The following CACNG5 variants were observed in gnomAD, a reference collection of about 807,000 sequenced individuals.
The protein encoded by CACNG5 is voltage-dependent calcium channel gamma-5 subunit.
A neutral mutation model predicts 24.8 loss-of-function variants in CACNG5; 18 were observed. The ratio of observed to expected loss-of-function variants is 0.73; its 90% CI spans 0.50 to 1.08. CACNG5 has a LOEUF of 1.08. Among genes scored for constraint, CACNG5 ranks in the 50% least tolerant of loss-of-function variants. The probability of loss-of-function intolerance (pLI) is 0.00; values close to 1 mark genes in which losing one functional copy is unlikely to be tolerated. For missense variants in CACNG5, 349 were observed against 367.9 expected (o/e 0.95, Z 0.42); for synonymous variants, 157 against 149.1 (o/e 1.05, Z -0.39).
At chr17:66,868,643 A>G (rs765376406) in intron 1 of CACNG5, among the ~76,000 whole-genome samples, 8 of 152,098 alleles carry the variant, frequency 5.3e-5, no homozygotes, top group Non-Finnish European at 1.2e-4. Flanking sequence ...CAGGACTGTA[A>G]TGACACCTAG....
Position 66,849,402 on chromosome 17 carries a change from C to T in CACNG5, c.-104+14152C>T, listed in dbSNP as rs986709696. ...CCAGCCCAGGAAGGCAGGGCAGGAA[C>T]GCAGAAGGCAGCAGTGTTCCCACCC... is the stretch of plus-strand genomic sequence containing the variant. On this transcript the variant is annotated intron_variant, in intron 1 of 5. Coordinates refer to ENST00000533854, the MANE Select transcript of CACNG5 (RefSeq NM_145811.3). Among the ~76,000 whole-genome samples, 13 of 152,258 alleles carry T rather than the reference C, an allele frequency of 8.5e-5. No individual in the cohort carries two copies. The East Asian group carries it at 1.4e-3, about 16-fold the overall frequency.
chr17:66,856,858 A>G (rs997960363), intron 1 of CACNG5, among the ~76,000 whole-genome samples: 2 of 152,000 alleles, frequency 1.3e-5, no homozygotes, highest in South Asian at 4.2e-4. Flanking sequence ...TTGTCCCTTT[A>G]TAGCCACACT....
chr17:66,841,066 C>A lies in CACNG5; in HGVS notation c.-104+5816C>A, dbSNP rs112751699. 3.9e-5 allele frequency among the ~76,000 whole-genome samples: 6 copies of A among 152,238 alleles called. 1 individual carries two copies. The highest frequency in any genetic ancestry group is 1.4e-4 in the African/African-American group (6 of 41,546). ...GGATGAGGACGTGTGCCAGTGACAGCCTCAGGAGGTTCTGACGACATGTGC... is the reference window on the plus strand; with the variant it reads ...GGATGAGGACGTGTGCCAGTGACAGACTCAGGAGGTTCTGACGACATGTGC... On this transcript the variant is annotated intron_variant, in intron 1 of 5. Transcript: ENST00000533854.
intron 3 of CACNG5, among the ~76,000 whole-genome samples, chr17:66,879,350 C>A (rs930078201): frequency 2.0e-5 from 3 of 152,182 alleles, no homozygotes; most frequent in Non-Finnish European, 4.4e-5. Flanking sequence ...TTTCTGCCCC[C>A]AGTATGAATT....
intron 1 of CACNG5, among the ~76,000 whole-genome samples, chr17:66,838,960 CTTTTTTTT>C (rs71160595): frequency 1.1e-5 from 1 of 88,094 alleles, no homozygotes; most frequent in South Asian, 3.5e-4. Flanking sequence ...CTCACCCATT[CTTTTTTTT>C]TTTTTTTTTT....
rs777042661 is a variant in CACNG5 at position 66,877,285 on chromosome 17, G to T, written c.-48G>T. 49 of 1,540,674 alleles carry T rather than the reference G, an allele frequency of 3.2e-5. No homozygotes were observed. Among genetic ancestry groups the T allele is most frequent in the Non-Finnish European group, 4.3e-5 (48 of 1,121,832 alleles). ...TCTCCCTAGCCCCAGAGCGCAGTCC[G>T]TGCTGGTGGGAGCGTGGCGACTAGT... On this transcript the variant is annotated 5_prime_UTR_variant, in exon 2 of 6. Transcript: ENST00000533854.
In CACNG5 at chr17:66,886,581, CTG is replaced by C. The variant is rs1365131560; in HGVS notation, c.*1347_*1348del. The stretch of plus-strand genomic sequence containing the variant: ...TGAGATTTTGAGTAGCAAAGCAATG[CTG>C]TGTGTCGCTGCTGTGCCCGCTCTCT... On this transcript the variant is annotated 3_prime_UTR_variant, in exon 6 of 6. Coordinates refer to ENST00000533854, the MANE Select transcript of CACNG5 (RefSeq NM_145811.3). Among the ~76,000 whole-genome samples the C allele has an allele frequency of 9.2e-5, 14 of 152,308 alleles. No individual in the cohort carries two copies. The highest frequency in any genetic ancestry group is 2.9e-4 in the African/African-American group (12 of 41,570).
At chr17:66,863,302 A>G (rs1976889442) in intron 1 of CACNG5, among the ~76,000 whole-genome samples, 1 of 151,972 alleles carries the variant, frequency 6.6e-6, no homozygotes, top group African/African-American at 2.4e-5. Context: ...AACCCACAAG[A>G]TAATATTATT....
intron 1 of CACNG5, among the ~76,000 whole-genome samples, chr17:66,865,103 A>G (rs1312370977): frequency 2.6e-5 from 4 of 152,218 alleles, no homozygotes; most frequent in Non-Finnish European, 5.9e-5. Flanking sequence ...TAGCACCGGC[A>G]TATAACTTAT....
rs552094144 is a variant in CACNG5 at position 66,844,755 on chromosome 17, A to G, written c.-104+9505A>G. On this transcript the variant is annotated intron_variant, in intron 1 of 5. Transcript: ENST00000533854. ...TCTACTGAATGTCTACGAGGTCACT[A>G]TCATGAAACACATTTTATAGGTGAA... Among the ~76,000 whole-genome samples the G allele has an allele frequency of 2.6e-5, 4 of 152,360 alleles. No homozygotes were observed. In the East Asian group the frequency reaches 5.8e-4, roughly 22 times the overall value.
chr17:66,864,688 G>A (rs1331093788), intron 1 of CACNG5, among the ~76,000 whole-genome samples: 1 of 152,016 alleles, frequency 6.6e-6, no homozygotes, highest in Non-Finnish European at 1.5e-5. Flanking sequence ...TTTAATTTTT[G>A]TAGCTGCTCA....
Position 66,885,553 on chromosome 17 carries a change from T to G in CACNG5, c.*313T>G. ...CCCCCAAGCCCAGGAGACACCGATG[T>G]TCCCTTTGTATATTCTTCCTGCACC... is the stretch of plus-strand genomic sequence containing the variant. On this transcript the variant is annotated 3_prime_UTR_variant, in exon 6 of 6. Transcript: ENST00000533854. 2.9e-6 allele frequency: 1 copy of G among 347,048 alleles called. No individual in the cohort carries two copies. Among genetic ancestry groups the G allele is most frequent in the Non-Finnish European group, 5.2e-6 (1 of 190,798 alleles). The allele number at this position is 347,048 out of a possible 1,614,324, so 21.5% of individuals were successfully genotyped here.
chr17:66,848,680 G>A (rs906608281), intron 1 of CACNG5, among the ~76,000 whole-genome samples: 3 of 152,134 alleles, frequency 2.0e-5, no homozygotes, highest in African/African-American at 4.8e-5. Flanking sequence ...TGAGGTCCTG[G>A]TAGTGGCCCT....
chr17:66,866,922 A>G (rs909158660), intron 1 of CACNG5, among the ~76,000 whole-genome samples: 6 of 152,208 alleles, frequency 3.9e-5, no homozygotes, highest in African/African-American at 1.2e-4. Flanking sequence ...TAGTGCTGCA[A>G]TAAACATATG....
At chr17:66,884,811 G>A (rs550136262) in intron 5 of CACNG5, 150 bp downstream of exon 5, 1 of 1,613,286 alleles carries the variant, frequency 6.2e-7, no homozygotes, top group Non-Finnish European at 8.5e-7. Flanking sequence ...CCCAGAATGT[G>A]TCACTGTCTT....
At position 66,874,760 on chromosome 17, in the gene CACNG5, A is replaced by G. The variant is rs915065607; in HGVS notation, c.-103-2470A>G. Among the ~76,000 whole-genome samples, 30 of 152,244 alleles carry G rather than the reference A, an allele frequency of 2.0e-4. 1 individual carries two copies. In the East Asian group the frequency reaches 3.3e-3, roughly 17 times the overall value. On this transcript the variant is annotated intron_variant, in intron 1 of 5. Coordinates refer to ENST00000533854, the MANE Select transcript of CACNG5 (RefSeq NM_145811.3). ...CCATAGCAGAGAGGTTAATTTCCCA[A>G]GCTTACATGGATCTTTAGTGGCACG... is the stretch of plus-strand genomic sequence containing the variant.
At chr17:66,884,697 C>T (rs756547502) in intron 5 of CACNG5, 36 bp downstream of exon 5, 1 of 1,614,198 alleles carries the variant, frequency 6.2e-7, no homozygotes, top group South Asian at 1.1e-5. Flanking sequence ...ATAGGCTGGG[C>T]CTGGGCACTG....
rs1166658783 is a variant in CACNG5, at chr17:66,887,298, T to G, written c.*2058T>G. Among the ~76,000 whole-genome samples, 1 of 149,252 alleles carries G rather than the reference T, an allele frequency of 6.7e-6. No individual in the cohort carries two copies. Among genetic ancestry groups the G allele is most frequent in the Non-Finnish European group, 1.5e-5 (1 of 67,438 alleles). Reference sequence around the variant, plus strand: ...TGGCCTAAATGGTTTCCAAGCCCACTCCCCTCCCACCCACCCACAACTCCA... The same window carrying G: ...TGGCCTAAATGGTTTCCAAGCCCACGCCCCTCCCACCCACCCACAACTCCA... On this transcript the variant is annotated 3_prime_UTR_variant, in exon 6 of 6. Transcript: ENST00000533854.
At position 66,894,668 on chromosome 17, in the gene CACNG5, A is replaced by ATAT. The variant is rs2052117597; in HGVS notation, c.*9430_*9432dup. On this transcript the variant is annotated 3_prime_UTR_variant, in exon 6 of 6. Coordinates refer to ENST00000533854, the MANE Select transcript of CACNG5 (RefSeq NM_145811.3). ...AACCATTCAGATGTGTTTAATATAT[A>ATAT]TATTTTTGTTTCTATGTGCTCCTTA... is the stretch of plus-strand genomic sequence containing the variant. Among the ~76,000 whole-genome samples, 2 of 151,998 alleles carry ATAT rather than the reference A, an allele frequency of 1.3e-5. No homozygotes were observed. The highest frequency in any genetic ancestry group is 3.9e-4 in the East Asian group (2 of 5,184).
Sources: gnomAD v4.1 joint callset for allele counts (sites outside exome capture counted in the v4.1 genomes callset) on GRCh38, gnomAD v4.1.1 for gene constraint, MANE v1.5 for transcripts, NCBI Gene and HGNC (gene_info 2026-07-23, HGNC 2026-07-21) for gene names.